Variants in CKLF observed in about 807,000 individuals in gnomAD.
CKLF encodes the protein chemokine like factor.
A neutral mutation model predicts 12.9 loss-of-function variants in CKLF; 16 were observed. The observed-to-expected ratio is 1.24, with a 90% CI of 0.84 to 1.88. CKLF has a LOEUF of 1.88. Ranked by LOEUF, CKLF falls within the 40% of genes most tolerant of loss-of-function variation. The pLI is 0.00. For synonymous variants in CKLF, 61 were observed against 69.0 expected (o/e 0.88, Z 0.57); for missense variants, 172 against 188.5 (o/e 0.91, Z 0.51).
Position 66,563,025 on chromosome 16 carries a change from TG to T in CKLF, c.238-96del, listed in dbSNP as rs1199676400. ...GCCAGTGCATTCTGCCTGCTGACTTTGTTTTTTGTTGTTGTTGTTTTTTTGT... is the reference window on the plus strand; with the variant it reads ...GCCAGTGCATTCTGCCTGCTGACTTTTTTTTTGTTGTTGTTGTTTTTTTGT... On this transcript the variant is annotated intron_variant, in intron 2 of 3. Coordinates refer to ENST00000264001, the MANE Select transcript of CKLF (RefSeq NM_016951.4). 1.2e-5 allele frequency: 17 copies of T among 1,398,480 alleles called. No homozygotes were observed. In the Admixed American group the frequency reaches 2.5e-4, roughly 20 times the overall value. 86.6% of individuals were successfully genotyped at this position (1,398,480 alleles called of 1,614,324 possible).
chr16:66,560,451 A>G (rs1008598706), intron 2 of CKLF, among the ~76,000 whole-genome samples: 2 of 152,136 alleles, frequency 1.3e-5, no homozygotes, highest in Non-Finnish European at 2.9e-5. Context: ...ATGTTTAAGG[A>G]AGGGTGCAGG....
chr16:66,560,427 G>A (rs545749539), intron 2 of CKLF, among the ~76,000 whole-genome samples: 16 of 152,288 alleles, frequency 1.1e-4, no homozygotes, highest in Non-Finnish European at 2.4e-4. Flanking sequence ...AGAGGATACT[G>A]AGAGAGGAAG....
chr16:66,553,339 A>C (rs1266063352), intron 1 of CKLF: 1 of 151,884 alleles, frequency 6.6e-6, no homozygotes, highest in East Asian at 1.9e-4. Context: ...GTTTCGGTGA[A>C]TGTTGTGTGG....
At chr16:66,565,670 T>C in intron 3 of CKLF, 2 of 562,104 alleles carry the variant, frequency 3.6e-6, no homozygotes, top group Middle Eastern at 4.8e-4. Flanking sequence ...ACTTAAATTA[T>C]CTTTTCTCTT....
At chr16:66,558,658 C>G (rs2011545949) in intron 2 of CKLF, 1 of 227,576 alleles carries the variant, frequency 4.4e-6, no homozygotes, top group Admixed American at 5.4e-5. Flanking sequence ...AATTGTAGTG[C>G]ATTCTTAATC....
intron 3 of CKLF, chr16:66,565,554 A>C (rs951577406): frequency 1.6e-5 from 4 of 245,836 alleles, no homozygotes; most frequent in Admixed American, 5.0e-5. Context: ...TTAATAACTA[A>C]ATATCCTCAG....
chr16:66,564,816 T>A (rs955111028), intron 3 of CKLF, among the ~76,000 whole-genome samples: 6 of 152,218 alleles, frequency 3.9e-5, no homozygotes, highest in Non-Finnish European at 7.3e-5. Context: ...AAATCTTTAA[T>A]TATGTGGCTG....
chr16:66,559,766 A>G (rs1157220189), intron 2 of CKLF, among the ~76,000 whole-genome samples: 2 of 152,204 alleles, frequency 1.3e-5, no homozygotes, highest in South Asian at 2.1e-4. Flanking sequence ...ATCTCTAAGG[A>G]TCAAACTTTA....
intron 2 of CKLF, 39 bp from the exon 3 acceptor site, chr16:66,563,083 A>G (rs2011859978): frequency 6.2e-7 from 1 of 1,609,208 alleles, no homozygotes; most frequent in Non-Finnish European, 8.5e-7. Flanking sequence ...ATTGCTTGGT[A>G]GTCTTCATGT....
At chr16:66,553,044 CAG>C (rs2011245622) in intron 1 of CKLF, among the ~76,000 whole-genome samples, 1 of 152,158 alleles carries the variant, frequency 6.6e-6, no homozygotes. Context: ...CCTGTGGTCC[CAG>C]CACTTTGGGA....
At chr16:66,560,834 C>CACTT (rs2011662379) in intron 2 of CKLF, among the ~76,000 whole-genome samples, 1 of 151,150 alleles carries the variant, frequency 6.6e-6, no homozygotes, top group African/African-American at 2.5e-5. Context: ...CACACACACA[C>CACTT]ACACTTTCTC....
intron 1 of CKLF, among the ~76,000 whole-genome samples, 154 bp from the exon 2 acceptor site, chr16:66,558,036 A>T (rs1167988522): frequency 6.6e-6 from 1 of 152,026 alleles, no homozygotes; most frequent in Non-Finnish European, 1.5e-5. Flanking sequence ...TTGAACTCCT[A>T]GCTTCAAGCG....
chr16:66,557,110 TA>T (rs1262615888), intron 1 of CKLF, among the ~76,000 whole-genome samples: 1 of 152,198 alleles, frequency 6.6e-6, no homozygotes, highest in Non-Finnish European at 1.5e-5. Flanking sequence ...GTGGGGTGTG[TA>T]AAAAATGGTA....
intron 3 of CKLF, among the ~76,000 whole-genome samples, chr16:66,564,672 G>A (rs986441227): frequency 3.3e-5 from 5 of 152,024 alleles, no homozygotes; most frequent in Non-Finnish European, 5.9e-5. Context: ...GAGTTTCACC[G>A]TGTTAACAAG....
Position 66,552,786 on chromosome 16 carries a change from T to G in CKLF, c.71T>G (p.Leu24Arg), listed in dbSNP as rs768256191. 1 of 1,614,022 alleles carries G rather than the reference T, an allele frequency of 6.2e-7. No individual in the cohort carries two copies. Among genetic ancestry groups the G allele is most frequent in the South Asian group, 1.1e-5 (1 of 91,080 alleles). ...CFSVKGHVKM[L>R]RLALTVTSMT... ...AGTGTGAAAGGCCACGTGAAGATGC[T>G]GCGGCTGGTGAGGCCGGGCCGCGGA... Residue 24 changes from leucine to arginine, a missense_variant, in exon 1 of 4, where the codon CTG (leucine) becomes CGG (arginine). Leu to Arg is a moderately radical substitution (Grantham distance 102, BLOSUM62 -2). Transcript: ENST00000264001.
intron 1 of CKLF, among the ~76,000 whole-genome samples, chr16:66,553,108 G>A (rs1040233345): frequency 6.6e-6 from 1 of 152,110 alleles, no homozygotes; most frequent in East Asian, 1.9e-4. Flanking sequence ...TGCAGTGAAC[G>A]TTGATCGCAC....
intron 1 of CKLF, among the ~76,000 whole-genome samples, chr16:66,554,956 G>A (rs2011364559): frequency 1.3e-5 from 2 of 152,140 alleles, no homozygotes; most frequent in South Asian, 4.1e-4. Context: ...AGTATACTAG[G>A]CCAGGCCCGG....
At chr16:66,561,517 A>G (rs759872855) in intron 2 of CKLF, among the ~76,000 whole-genome samples, 5 of 152,096 alleles carry the variant, frequency 3.3e-5, no homozygotes, top group African/African-American at 4.8e-5. Context: ...ACTCCCTAGA[A>G]CACCACTTTG....
intron 2 of CKLF, among the ~76,000 whole-genome samples, chr16:66,559,285 C>T (rs575488056): frequency 5.3e-5 from 8 of 152,308 alleles, no homozygotes; most frequent in Non-Finnish European, 1.2e-4. Context: ...CCTTCTGGAA[C>T]CACCTTCAAG....
Sources: gnomAD v4.1 joint callset for allele counts (sites outside exome capture counted in the v4.1 genomes callset) on GRCh38, gnomAD v4.1.1 for gene constraint, MANE v1.5 for transcripts, NCBI Gene and HGNC (gene_info 2026-07-23, HGNC 2026-07-21) for gene names.